The following CRHR2 variants were observed in gnomAD, a reference collection of about 807,000 sequenced individuals.
CRHR2 encodes the protein corticotropin releasing hormone receptor 2, also known as corticotropin-releasing hormone receptor 2.
CRHR2 carries 53 observed loss-of-function variants against 57.9 expected under a neutral mutation model. The ratio of observed to expected loss-of-function variants is 0.92; its 90% CI spans 0.73 to 1.15. The LOEUF (loss-of-function observed/expected upper bound fraction) is 1.15, where lower values mean the gene tolerates loss of function less well. Among genes scored for constraint, CRHR2 ranks in the 50% most tolerant of loss-of-function variants. The probability of loss-of-function intolerance (pLI) is 0.00; values close to 1 mark genes in which losing one functional copy is unlikely to be tolerated. For missense variants in CRHR2, 532 were observed against 542.6 expected, an observed-to-expected ratio of 0.98 and a Z score of 0.19; for synonymous variants, 213 against 220.9, an observed-to-expected ratio of 0.96 and a Z score of 0.32.
upstream of CRHR2, among the ~76,000 whole-genome samples, chr7:30,684,229 C>T (rs183892991): frequency 4.9e-4 from 75 of 152,350 alleles, no homozygotes; most frequent in African/African-American, 1.8e-3. Context: ...AGACTGAGCC[C>T]TGTTACCCAG....
intron 1 of CRHR2, chr7:30,689,295 G>T: frequency 6.5e-7 from 1 of 1,548,568 alleles, no homozygotes; most frequent in Non-Finnish European, 8.7e-7. Context: ...CTAGGGGACA[G>T]CAAGGATGAG....
intron 2 of CRHR2, among the ~76,000 whole-genome samples, chr7:30,678,323 C>A (rs1310448488): frequency 1.3e-5 from 2 of 152,204 alleles, no homozygotes; most frequent in Non-Finnish European, 2.9e-5. Flanking sequence ...AGGATAATGC[C>A]ATGTCTCTGT....
At chr7:30,697,768 C>A (rs890488886) in intron 1 of CRHR2, among the ~76,000 whole-genome samples, 5 of 152,218 alleles carry the variant, frequency 3.3e-5, no homozygotes, top group Non-Finnish European at 7.3e-5. Flanking sequence ...GGCCTTACCC[C>A]CAACCTGCTC....
At chr7:30,657,473 C>T (rs559447300) in intron 8 of CRHR2, among the ~76,000 whole-genome samples, 1 of 152,184 alleles carries the variant, frequency 6.6e-6, no homozygotes, top group South Asian at 2.1e-4. Flanking sequence ...GGCATATTCC[C>T]CTGGATCATG....
At position 30,667,231 on chromosome 7, in the gene CRHR2, G is replaced by A. The variant is rs775350206; in HGVS notation, c.312C>T (p.Asp104=). 3 of 1,614,072 alleles carry A rather than the reference G, an allele frequency of 1.9e-6. No individual in the cohort carries two copies. Among genetic ancestry groups the A allele is most frequent in the Non-Finnish European group, 2.5e-6 (3 of 1,179,942 alleles). The stretch of plus-strand genomic sequence containing the variant: ...ACAGCAGGTGAGGGCCACTCACCTT[G>A]TCATCCAAAATGGGCTCACACTGTG... ...NYSQCEPILD[D]KQRKYDLHYR... Residue 104 remains aspartate, a synonymous_variant, in exon 3 of 12, where the codon GAC becomes GAT. Transcript: ENST00000471646.
chr7:30,690,291 G>C (rs1470730777), intron 1 of CRHR2, among the ~76,000 whole-genome samples: 1 of 152,236 alleles, frequency 6.6e-6, no homozygotes, highest in Non-Finnish European at 1.5e-5. Context: ...TAGTTAGAGA[G>C]CACAGCATGT....
rs753819109 is a variant in CRHR2 at position 30,665,498 on chromosome 7, G to T, written c.425+32C>A. 6.6e-7 allele frequency: 1 copy of T among 1,512,592 alleles called. No individual in the cohort carries two copies. Among genetic ancestry groups the T allele is most frequent in the Non-Finnish European group, 9.0e-7 (1 of 1,111,460 alleles). The allele number at this position is 1,512,592 out of a possible 1,614,324, so 93.7% of individuals were successfully genotyped here. ...AAGGGGGTGCTGTAGGGGGAGGGATGAGGAGAAAGCAAGGCGGAAGGGCAG... is the reference window on the plus strand; with the variant it reads ...AAGGGGGTGCTGTAGGGGGAGGGATTAGGAGAAAGCAAGGCGGAAGGGCAG... On this transcript the variant is annotated intron_variant, in intron 4 of 11. Transcript: ENST00000471646. This position sits in a 1 kb window ranked among gnomAD's most constrained non-coding sequence, Gnocchi z 4.5.
rs745688940 is a variant in CRHR2 at position 30,655,690 on chromosome 7, G to A, written c.943C>T (p.Leu315Phe). 2.5e-6 allele frequency: 4 copies of A among 1,614,044 alleles called. No homozygotes were observed. Among genetic ancestry groups the A allele is most frequent in the South Asian group, 2.2e-5 (2 of 91,060 alleles). The change falls in exon 10 of 12, where the codon CTC (leucine) becomes TTC (phenylalanine). Residue 315 changes from leucine (L) to phenylalanine (F), a missense_variant. Leu to Phe is a conservative substitution (Grantham distance 22). Transcript: ENST00000471646. ...TAGGTGATGCCCAGGAGGGGCAGGA[G>A]CACCAGGGTGGCCTTCACTGCCTTC... ...YRKAVKATLVLLPLLGITYML... is the reference protein window; with the variant it reads ...YRKAVKATLVFLPLLGITYML...
upstream of CRHR2, among the ~76,000 whole-genome samples, chr7:30,685,922 T>C (rs906721708): frequency 2.0e-5 from 3 of 152,174 alleles, no homozygotes; most frequent in African/African-American, 7.2e-5. Flanking sequence ...TCTTTGGTAT[T>C]GCAAAGAAGG....
intron 2 of CRHR2, among the ~76,000 whole-genome samples, chr7:30,670,862 G>A (rs1784332931): frequency 6.6e-6 from 1 of 152,188 alleles, no homozygotes; most frequent in Non-Finnish European, 1.5e-5. Context: ...TGGGCTTCCA[G>A]GGGCATTAGG....
intron 2 of CRHR2, among the ~76,000 whole-genome samples, chr7:30,671,635 CAAAAAAAAAAA>C (rs11305836): frequency 2.9e-5 from 3 of 104,956 alleles, no homozygotes; most frequent in Non-Finnish European, 6.0e-5. Context: ...CCCCATCTCT[CAAAAAAAAAAA>C]AAAAAAAAAA....
chr7:30,667,202 G>T (rs1562799280), intron 3 of CRHR2, 26 bp downstream of exon 3: 1 of 1,605,282 alleles, frequency 6.2e-7, no homozygotes, highest in Admixed American at 1.7e-5. Flanking sequence ...TGAGGCCTGG[G>T]GTCACAGCAG....
chr7:30,686,632 AAAAT>A (rs769788449), upstream of CRHR2: 44 of 926,578 alleles, frequency 4.7e-5, 1 homozygote, highest in Middle Eastern at 1.5e-3. Flanking sequence ...AAAATAATAA[AAAAT>A]AAATAAATAG....
At chr7:30,699,459 T>A (rs1785123782) in intron 1 of CRHR2, among the ~76,000 whole-genome samples, 1 of 146,852 alleles carries the variant, frequency 6.8e-6, no homozygotes, top group South Asian at 2.2e-4. Flanking sequence ...GGTGGCTCTC[T>A]GCGGGTCCCT....
chr7:30,656,340 C>A lies in CRHR2; in HGVS notation c.832-328G>T, dbSNP rs946637025. On this transcript the variant is annotated intron_variant, in intron 8 of 11. Coordinates refer to ENST00000471646, the MANE Select transcript of CRHR2 (RefSeq NM_001883.5). The surrounding 1 kb of genome is among the most constrained non-coding windows in gnomAD (Gnocchi z 4.4). ...CCAACCCTCTCCCCAGTATAGGGACCCTATGGGAGCCCCCTTCCCCTCACT... is the reference window on the plus strand; with the variant it reads ...CCAACCCTCTCCCCAGTATAGGGACACTATGGGAGCCCCCTTCCCCTCACT... 6.6e-6 allele frequency among the ~76,000 whole-genome samples: 1 copy of A among 152,166 alleles called. No individual in the cohort carries two copies. The highest frequency in any genetic ancestry group is 2.4e-5 in the African/African-American group (1 of 41,446).
chr7:30,678,730 C>A (rs916565233), intron 2 of CRHR2, among the ~76,000 whole-genome samples: 1 of 152,220 alleles, frequency 6.6e-6, no homozygotes, highest in Non-Finnish European at 1.5e-5. Flanking sequence ...GTCAACACAT[C>A]CCCAACTGTG....
At chr7:30,689,090 A>G in intron 2 of CRHR2, 1 of 1,066,858 alleles carries the variant, frequency 9.4e-7, no homozygotes, top group African/African-American at 1.6e-5. Context: ...CCCACCCACC[A>G]CCCTGCTGAG....
At chr7:30,668,154 C>G (rs1359562091) in intron 2 of CRHR2, among the ~76,000 whole-genome samples, 2 of 152,218 alleles carry the variant, frequency 1.3e-5, no homozygotes, top group African/African-American at 4.8e-5. Context: ...GTCCTGTGCA[C>G]AAAAGTGCAG....
At position 30,656,298 on chromosome 7, in the gene CRHR2, T is replaced by G. The variant is rs1377709873; in HGVS notation, c.832-286A>C. Among the ~76,000 whole-genome samples the G allele has an allele frequency of 6.6e-6, 1 of 152,270 alleles. No individual in the cohort carries two copies. Among genetic ancestry groups the G allele is most frequent in the East Asian group, 1.9e-4 (1 of 5,154 alleles). ...GACCGAGAGCACGGGGCATGCCCTC[T>G]GAGGCTGAGAAAGCCCCCAACCCTC... is the stretch of plus-strand genomic sequence containing the variant. On this transcript the variant is annotated intron_variant, in intron 8 of 11. Coordinates refer to ENST00000471646, the MANE Select transcript of CRHR2 (RefSeq NM_001883.5). The surrounding 1 kb of genome is among the most constrained non-coding windows in gnomAD (Gnocchi z 4.4).
Sources: gnomAD v4.1 joint callset for allele counts (sites outside exome capture counted in the v4.1 genomes callset) on GRCh38, gnomAD v4.1.1 for gene constraint, Gnocchi (gnomAD v3.1) non-coding constraint, MANE v1.5 for transcripts, NCBI Gene and HGNC (gene_info 2026-07-23, HGNC 2026-07-21) for gene names.